The following RPS6KA2 variants were observed in gnomAD, a reference collection of about 807,000 sequenced individuals.
The protein encoded by RPS6KA2 is ribosomal protein S6 kinase alpha-2.
In RPS6KA2, 42 loss-of-function variants were observed where a neutral mutation model predicts 91.8. That is an observed-to-expected ratio of 0.46 (90% CI 0.36 to 0.59). The LOEUF (loss-of-function observed/expected upper bound fraction) is 0.59. Among genes scored for constraint, RPS6KA2 ranks in the 20% least tolerant of loss-of-function variants. The pLI is 0.00. For synonymous variants in RPS6KA2, 414 were observed against 393.6 expected, an observed-to-expected ratio of 1.05 and a Z score of -0.61; for missense variants, 798 against 978.5, an observed-to-expected ratio of 0.82 and a Z score of 2.46.
chr6:166,555,885 A>C (rs1005095722), intron 1 of RPS6KA2, among the ~76,000 whole-genome samples: 9 of 152,062 alleles, frequency 5.9e-5, no homozygotes, highest in African/African-American at 2.2e-4. Flanking sequence ...AAAAGGAAGG[A>C]GACTAGAGGA....
upstream of RPS6KA2, chr6:166,627,888 G>A (rs1418169582): frequency 6.6e-6 from 1 of 152,250 alleles, no homozygotes; most frequent in Non-Finnish European, 1.5e-5. Flanking sequence ...CAGCGAGCGA[G>A]GGACCGCCGC....
chr6:166,715,929 T>G (rs113499678), intron 2 of RPS6KA2, among the ~76,000 whole-genome samples: 2 of 150,766 alleles, frequency 1.3e-5, no homozygotes, highest in African/African-American at 4.9e-5. Context: ...TCCCAGCTAC[T>G]TGGGAGGCTG....
chr6:166,450,385 G>C (rs1583151034), intron 13 of RPS6KA2, among the ~76,000 whole-genome samples: 1 of 148,324 alleles, frequency 6.7e-6, no homozygotes, highest in African/African-American at 2.5e-5. Context: ...CCACGACAGG[G>C]ACCACCACAG....
intron 2 of RPS6KA2, among the ~76,000 whole-genome samples, chr6:166,699,979 G>A (rs1440619227): frequency 6.6e-6 from 1 of 152,224 alleles, no homozygotes; most frequent in Non-Finnish European, 1.5e-5. Context: ...ATCTATGACT[G>A]TCCCATTGGT....
intron 2 of RPS6KA2, among the ~76,000 whole-genome samples, chr6:166,773,026 C>T (rs1182916714): frequency 6.6e-6 from 1 of 152,172 alleles, no homozygotes; most frequent in Non-Finnish European, 1.5e-5. Flanking sequence ...GCCCCCACAC[C>T]CATCCTCTCT....
chr6:166,501,944 C>T (rs937078050), intron 6 of RPS6KA2, among the ~76,000 whole-genome samples: 1 of 152,116 alleles, frequency 6.6e-6, no homozygotes, highest in African/African-American at 2.4e-5. Context: ...ACATTATGCT[C>T]GATTAAATAA....
intron 14 of RPS6KA2, among the ~76,000 whole-genome samples, chr6:166,443,923 A>C (rs139190232): frequency 1.3e-5 from 2 of 152,302 alleles, no homozygotes; most frequent in East Asian, 3.9e-4. Context: ...AAATCTCTAA[A>C]AAATTTTCCA....
chr6:166,680,979 T>C (rs1363522981), intron 2 of RPS6KA2, among the ~76,000 whole-genome samples: 1 of 152,232 alleles, frequency 6.6e-6, no homozygotes, highest in African/African-American at 2.4e-5. Flanking sequence ...CTGTTTGGCG[T>C]ATCGAGTGAG....
rs1331099163 is a variant in RPS6KA2, at chr6:166,437,216, C to T, written c.1333-4726G>A. Among the ~76,000 whole-genome samples the T allele has an allele frequency of 6.6e-6, 1 of 151,970 alleles. No homozygotes were observed. Among genetic ancestry groups the T allele is most frequent in the African/African-American group, 2.4e-5 (1 of 41,370 alleles). ...TGTTTAGGAGCACCAGGGAGTGGGC[C>T]CCAAGTGCCTGCCAGCGCACTTCTT... On this transcript the variant is annotated intron_variant, in intron 14 of 20. Coordinates refer to ENST00000265678, the MANE Select transcript of RPS6KA2 (RefSeq NM_021135.6). The surrounding 1 kb of genome is among the most constrained non-coding windows in gnomAD (Gnocchi z 4.3).
At chr6:166,518,149 T>C (rs1399175060) in intron 3 of RPS6KA2, among the ~76,000 whole-genome samples, 2 of 148,108 alleles carry the variant, frequency 1.4e-5, no homozygotes, top group African/African-American at 5.0e-5. Context: ...TAGCCAGGAA[T>C]GGTGGTGTGC....
At chr6:166,565,447 C>T (rs1358963330) in intron 1 of RPS6KA2, among the ~76,000 whole-genome samples, 1 of 152,370 alleles carries the variant, frequency 6.6e-6, no homozygotes, top group Non-Finnish European at 1.5e-5. Flanking sequence ...CTCCCTGGCA[C>T]CTGGCTGCAG....
chr6:166,671,372 G>A (rs761489045), intron 2 of RPS6KA2, among the ~76,000 whole-genome samples: 1 of 152,150 alleles, frequency 6.6e-6, no homozygotes, highest in Non-Finnish European at 1.5e-5. Context: ...TGGGTCGAAA[G>A]CATTTCCTAT....
At chr6:166,782,540 G>A (rs1778797088) in intron 2 of RPS6KA2, among the ~76,000 whole-genome samples, 1 of 152,150 alleles carries the variant, frequency 6.6e-6, no homozygotes, top group South Asian at 2.1e-4. Flanking sequence ...TGAAGCAGCA[G>A]CACGAGGTTA....
At position 166,767,278 on chromosome 6, in the gene RPS6KA2, C is replaced by T. The variant is rs1023668846; in HGVS notation, c.123+90922G>A. ...AAATACAACTGCGACTACCGTCTCA[C>T]ACGCTTCAGCTTGCAAGGCAGAGGC... On this transcript the variant is annotated intron_variant, in intron 2 of 21. Coordinates refer to the RPS6KA2 transcript ENST00000503859. The surrounding 1 kb of genome is among the most constrained non-coding windows in gnomAD (Gnocchi z 4.6). Among the ~76,000 whole-genome samples the T allele has an allele frequency of 7.9e-5, 12 of 152,232 alleles. No homozygotes were observed. The highest frequency in any genetic ancestry group is 3.2e-3 in the Middle Eastern group (1 of 316).
At chr6:166,742,025 G>T (rs889505587) in intron 2 of RPS6KA2, among the ~76,000 whole-genome samples, 1 of 152,188 alleles carries the variant, frequency 6.6e-6, no homozygotes, top group African/African-American at 2.4e-5. Flanking sequence ...CTACTCAGAA[G>T]GCTGAGGCAG....
At chr6:166,824,829 G>GTCTATGTGTGTC (rs1780007999) in intron 2 of RPS6KA2, among the ~76,000 whole-genome samples, 1 of 151,394 alleles carries the variant, frequency 6.6e-6, no homozygotes, top group African/African-American at 2.4e-5. Context: ...GTGTGTCTGT[G>GTCTATGTGTGTC]TGTGTGTGTA....
At chr6:166,480,914 A>C (rs1365752776) in intron 10 of RPS6KA2, among the ~76,000 whole-genome samples, 2 of 152,190 alleles carry the variant, frequency 1.3e-5, no homozygotes, top group Non-Finnish European at 2.9e-5. Flanking sequence ...CTGGGATTAC[A>C]GGTATGAGCC....
Position 166,418,425 on chromosome 6 carries a change from C to G in RPS6KA2, c.1821-83G>C, listed in dbSNP as rs1246476192. The G allele has an allele frequency of 2.0e-6, 2 of 1,023,290 alleles. No homozygotes were observed. Among genetic ancestry groups the G allele is most frequent in the African/African-American group, 1.6e-5 (1 of 62,736 alleles). 63.4% of individuals were successfully genotyped at this position (1,023,290 alleles called of 1,614,324 possible). A position where few individuals can be genotyped will look rare whatever the true frequency, so the allele number is the denominator to read the frequency against. On this transcript the variant is annotated intron_variant, in intron 18 of 20. Coordinates refer to ENST00000265678, the MANE Select transcript of RPS6KA2 (RefSeq NM_021135.6). This position sits in a 1 kb window ranked among gnomAD's most constrained non-coding sequence, Gnocchi z 4.9. ...TTTGCAAGTTGATATCACCCCTTGG[C>G]TGTTCAAAGGAATAGCACTTTGCTT...
At chr6:166,729,416 C>T (rs1235121002) in intron 2 of RPS6KA2, among the ~76,000 whole-genome samples, 2 of 152,218 alleles carry the variant, frequency 1.3e-5, no homozygotes, top group Non-Finnish European at 2.9e-5. Flanking sequence ...GGTGCAATCA[C>T]GGCTCACTGC....
Sources: allele counts gnomAD v4.1 joint callset (sites outside exome capture counted in the v4.1 genomes callset), GRCh38; gene constraint gnomAD v4.1.1; non-coding constraint Gnocchi (gnomAD v3.1); transcripts MANE v1.5; gene names NCBI Gene and HGNC (gene_info 2026-07-23, HGNC 2026-07-21).